The following CSNK1G1 variants were observed in gnomAD, a reference collection of about 807,000 sequenced individuals.
CSNK1G1 encodes casein kinase 1 gamma 1, also known as casein kinase I isoform gamma-1.
A neutral mutation model predicts 59.6 loss-of-function variants in CSNK1G1; 22 were observed. That is an observed-to-expected ratio of 0.37 (90% confidence interval 0.26 to 0.53). CSNK1G1 has a LOEUF of 0.53. Ranked by LOEUF, CSNK1G1 falls within the 20% of genes least tolerant of loss-of-function variation. The probability of loss-of-function intolerance (pLI) is 0.89; values close to 1 mark genes in which losing one functional copy is unlikely to be tolerated. For missense variants in CSNK1G1, 384 were observed against 519.5 expected, an observed-to-expected ratio of 0.74 and a Z score of 2.54; for synonymous variants, 179 against 177.1, an observed-to-expected ratio of 1.01 and a Z score of -0.08.
At chr15:64,223,927 T>C (rs989627777) in intron 4 of CSNK1G1, among the ~76,000 whole-genome samples, 1 of 152,204 alleles carries the variant, frequency 6.6e-6, no homozygotes, top group Non-Finnish European at 1.5e-5. Context: ...ATGGCTTCTT[T>C]TATCATCCAA....
At chr15:64,299,418 C>A (rs1895201247) in intron 2 of CSNK1G1, among the ~76,000 whole-genome samples, 1 of 151,930 alleles carries the variant, frequency 6.6e-6, no homozygotes, top group South Asian at 2.1e-4. Flanking sequence ...GAAACCCTGT[C>A]TCTACTAAAA....
At position 64,188,022 on chromosome 15, in the gene CSNK1G1, C is replaced by CA. The variant is rs1378146941; in HGVS notation, c.1108-7569dup. Among the ~76,000 whole-genome samples, 1 of 152,108 alleles carries CA rather than the reference C, an allele frequency of 6.6e-6. No homozygotes were observed. Among genetic ancestry groups the CA allele is most frequent in the Non-Finnish European group, 1.5e-5 (1 of 68,010 alleles). On this transcript the variant is annotated intron_variant, in intron 10 of 11. Coordinates refer to ENST00000303052, the MANE Select transcript of CSNK1G1 (RefSeq NM_022048.5). The surrounding 1 kb of genome is among the most constrained non-coding windows in gnomAD (Gnocchi z 4.2). ...ATATGCAGTCCTTTAGTCCTCTATT[C>CA]AAAAAATACTTGTAAGTTTCAGGTC...
intron 2 of CSNK1G1, among the ~76,000 whole-genome samples, chr15:64,284,608 T>C (rs566069271): frequency 5.9e-5 from 9 of 152,208 alleles, no homozygotes; most frequent in African/African-American, 2.2e-4. Context: ...TAATTTTTGA[T>C]TTAAATATAT....
chr15:64,245,774 A>C (rs559996817), intron 4 of CSNK1G1, among the ~76,000 whole-genome samples: 1 of 151,216 alleles, frequency 6.6e-6, no homozygotes, highest in African/African-American at 2.5e-5. Context: ...ACACACACAC[A>C]AAAAAAGAAT....
At position 64,171,930 on chromosome 15, in the gene CSNK1G1, G is replaced by T; in HGVS notation, c.*1C>A. On this transcript the variant is annotated 3_prime_UTR_variant, in exon 12 of 12. Transcript: ENST00000303052. The surrounding 1 kb of genome is among the most constrained non-coding windows in gnomAD (Gnocchi z 4.8). Reference sequence around the variant, plus strand: ...GCCTGAGGACTCCTGGGAGGCACTGGTCACTTGTGGCGCTGAGCAGTCTTC... The same window carrying T: ...GCCTGAGGACTCCTGGGAGGCACTGTTCACTTGTGGCGCTGAGCAGTCTTC... 1.2e-6 allele frequency: 2 copies of T among 1,613,804 alleles called. No homozygotes were observed. The highest frequency in any genetic ancestry group is 8.5e-7 in the Non-Finnish European group (1 of 1,179,694).
At position 64,352,447 on chromosome 15, in the gene CSNK1G1, C is replaced by CTTTTTTTTTTTTTT. The variant is rs1165768581; in HGVS notation, c.-225+3527_-225+3540dup. 2.0e-4 allele frequency among the ~76,000 whole-genome samples: 18 copies of CTTTTTTTTTTTTTT among 89,428 alleles called. 1 individual carries two copies. The highest frequency in any genetic ancestry group is 7.0e-4 in the African/African-American group (16 of 22,736). 58.7% of individuals were successfully genotyped at this position (89,428 alleles called of 152,430 possible). The stretch of plus-strand genomic sequence containing the variant: ...ATCACAAAACATAATTTGAATTCTT[C>CTTTTTTTTTTTTTT]TTTTTTTTTTTTTTTTTTTGAGATG... On this transcript the variant is annotated intron_variant, in intron 1 of 11. Transcript: ENST00000303052.
intron 4 of CSNK1G1, among the ~76,000 whole-genome samples, chr15:64,237,771 C>T (rs1466321625): frequency 1.3e-5 from 2 of 152,162 alleles, no homozygotes; most frequent in African/African-American, 2.4e-5. Context: ...TGTTAATTTA[C>T]AGTTGCCTAG....
chr15:64,242,766 A>G (rs546328169), intron 4 of CSNK1G1, among the ~76,000 whole-genome samples: 1 of 152,322 alleles, frequency 6.6e-6, no homozygotes, highest in African/African-American at 2.4e-5. Flanking sequence ...AAACCAGACC[A>G]GGACACAACA....
At chr15:64,334,172 A>G (rs1381299325) in intron 1 of CSNK1G1, among the ~76,000 whole-genome samples, 2 of 152,036 alleles carry the variant, frequency 1.3e-5, no homozygotes, top group Non-Finnish European at 1.5e-5. Flanking sequence ...ACTGACCACC[A>G]CGCCCAGCTA....
At chr15:64,308,485 C>T (rs1895810208) in intron 1 of CSNK1G1, among the ~76,000 whole-genome samples, 1 of 152,068 alleles carries the variant, frequency 6.6e-6, no homozygotes, top group Non-Finnish European at 1.5e-5. Context: ...ATTTTATTTG[C>T]CTTCCAGCTC....
intron 2 of CSNK1G1, among the ~76,000 whole-genome samples, chr15:64,260,148 T>A (rs1038860829): frequency 2.6e-5 from 4 of 152,202 alleles, no homozygotes; most frequent in Admixed American, 2.6e-4. Flanking sequence ...TTCGCATCTC[T>A]TCTTACACGT....
At chr15:64,310,241 T>C (rs1282165172) in intron 1 of CSNK1G1, among the ~76,000 whole-genome samples, 1 of 152,086 alleles carries the variant, frequency 6.6e-6, no homozygotes, top group African/African-American at 2.4e-5. Context: ...CCTATTTACA[T>C]AGGCACAAAG....
At chr15:64,209,815 T>C (rs537675962) in intron 6 of CSNK1G1, among the ~76,000 whole-genome samples, 1 of 152,182 alleles carries the variant, frequency 6.6e-6, no homozygotes, top group Non-Finnish European at 1.5e-5. Flanking sequence ...CACCTACTCA[T>C]TGCCTCTCCA....
At chr15:64,217,772 C>T (rs553138695) in intron 4 of CSNK1G1, among the ~76,000 whole-genome samples, 5 of 150,058 alleles carry the variant, frequency 3.3e-5, no homozygotes, top group African/African-American at 9.8e-5. Flanking sequence ...GCTGAGATGG[C>T]GCCACTGCAC....
chr15:64,249,843 T>G (rs1305709568), intron 4 of CSNK1G1, among the ~76,000 whole-genome samples: 1 of 152,172 alleles, frequency 6.6e-6, no homozygotes, highest in Non-Finnish European at 1.5e-5. Flanking sequence ...AACAAATACA[T>G]TAGATTTTTT....
intron 6 of CSNK1G1, among the ~76,000 whole-genome samples, chr15:64,209,924 A>C (rs1002373850): frequency 1.3e-5 from 2 of 152,096 alleles, no homozygotes; most frequent in Non-Finnish European, 2.9e-5. Context: ...GAGGGCGAAA[A>C]CTCTCCACAT....
chr15:64,340,442 T>C (rs1897627516), intron 1 of CSNK1G1, among the ~76,000 whole-genome samples: 1 of 152,250 alleles, frequency 6.6e-6, no homozygotes, highest in African/African-American at 2.4e-5. Context: ...GTAGTTGTTA[T>C]GTAGGTTTAT....
At chr15:64,347,429 T>A (rs1452510323) in intron 1 of CSNK1G1, among the ~76,000 whole-genome samples, 1 of 151,754 alleles carries the variant, frequency 6.6e-6, no homozygotes, top group East Asian at 1.9e-4. Context: ...ATCAACAAAT[T>A]GTGGCACATC....
chr15:64,263,698 C>T lies in CSNK1G1; in HGVS notation c.182-4457G>A, dbSNP rs547780556. 6.6e-5 allele frequency among the ~76,000 whole-genome samples: 10 copies of T among 152,052 alleles called. No individual in the cohort carries two copies. The South Asian group carries it at 2.1e-3, about 32-fold the overall frequency. On this transcript the variant is annotated intron_variant, in intron 2 of 11. Coordinates refer to ENST00000303052, the MANE Select transcript of CSNK1G1 (RefSeq NM_022048.5). ...CAGGCACTCAGCCTTGTCTGGAGTG[C>T]TAAGTCAGTTACCACCTAACCATCT...
Sources: gnomAD v4.1 joint callset for allele counts (sites outside exome capture counted in the v4.1 genomes callset) on GRCh38, gnomAD v4.1.1 for gene constraint, Gnocchi (gnomAD v3.1) non-coding constraint, MANE v1.5 for transcripts, NCBI Gene and HGNC (gene_info 2026-07-23, HGNC 2026-07-21) for gene names.